Variants in PTPRT observed in about 807,000 individuals in gnomAD.
PTPRT encodes protein tyrosine phosphatase receptor type T, also known as receptor-type tyrosine-protein phosphatase T.
A neutral mutation model predicts 176.8 loss-of-function variants in PTPRT; 56 were observed. The ratio of observed to expected loss-of-function variants is 0.32; its 90% CI spans 0.26 to 0.40. PTPRT has a LOEUF of 0.40. PTPRT is among the 10% of genes least tolerant of loss of function. The pLI is 1.00. For synonymous variants in PTPRT, 783 were observed against 739.0 expected, an observed-to-expected ratio of 1.06 and a Z score of -0.96; for missense variants, 1,540 against 1,908.2, an observed-to-expected ratio of 0.81 and a Z score of 3.60.
intron 2 of PTPRT, among the ~76,000 whole-genome samples, chr20:42,843,301 T>C (rs1224878667): frequency 6.6e-6 from 1 of 152,220 alleles, no homozygotes; most frequent in Admixed American, 6.5e-5. Context: ...CCGGCCTTCG[T>C]ATGCTGATGG....
chr20:42,157,236 T>C (rs1162908327), intron 17 of PTPRT, among the ~76,000 whole-genome samples: 3 of 152,298 alleles, frequency 2.0e-5, no homozygotes, highest in Non-Finnish European at 2.9e-5. Flanking sequence ...CTTTTTACTA[T>C]TGGAACCTCC....
At chr20:43,144,717 G>A (rs1420824956) in intron 1 of PTPRT, among the ~76,000 whole-genome samples, 2 of 151,874 alleles carry the variant, frequency 1.3e-5, no homozygotes, top group Non-Finnish European at 2.9e-5. Context: ...TTTTGGGGGT[G>A]GTGAAAACGT....
At chr20:43,026,092 A>G (rs1985897805) in intron 1 of PTPRT, among the ~76,000 whole-genome samples, 1 of 152,006 alleles carries the variant, frequency 6.6e-6, no homozygotes, top group Non-Finnish European at 1.5e-5. Context: ...CCTCAGGATG[A>G]CACTATATTT....
chr20:42,689,002 C>CTCACA (rs1225432321), intron 6 of PTPRT, among the ~76,000 whole-genome samples: 1 of 152,164 alleles, frequency 6.6e-6, no homozygotes, highest in Non-Finnish European at 1.5e-5. Context: ...GTCCTGTGGA[C>CTCACA]TCACACAGTT....
At chr20:42,352,739 G>A (rs1240834946) in intron 9 of PTPRT, among the ~76,000 whole-genome samples, 3 of 152,200 alleles carry the variant, frequency 2.0e-5, no homozygotes, top group African/African-American at 7.2e-5. Context: ...GTTTCTAACA[G>A]AGAAGATAAT....
At chr20:42,574,319 G>A (rs568908320) in intron 7 of PTPRT, among the ~76,000 whole-genome samples, 27 of 152,292 alleles carry the variant, frequency 1.8e-4, no homozygotes, top group African/African-American at 2.4e-4. Flanking sequence ...TATTGGAGAC[G>A]TAACTGTACA....
At chr20:43,183,386 C>T (rs1425420030) in intron 1 of PTPRT, among the ~76,000 whole-genome samples, 1 of 152,274 alleles carries the variant, frequency 6.6e-6, no homozygotes, top group East Asian at 1.9e-4. Flanking sequence ...GCATCAGTAG[C>T]CCCATTTTAC....
At chr20:42,325,154 G>C (rs1359056123) in intron 11 of PTPRT, among the ~76,000 whole-genome samples, 1 of 152,096 alleles carries the variant, frequency 6.6e-6, no homozygotes, top group African/African-American at 2.4e-5. Context: ...ACTCTGCCAG[G>C]GAAGGATTCT....
At chr20:43,113,704 C>T (rs2012951312) in intron 1 of PTPRT, among the ~76,000 whole-genome samples, 2 of 152,138 alleles carry the variant, frequency 1.3e-5, no homozygotes, top group South Asian at 4.1e-4. Flanking sequence ...ACTTAAAACT[C>T]CCAGTGGAAA....
At chr20:43,168,534 A>G (rs1186311794) in intron 1 of PTPRT, among the ~76,000 whole-genome samples, 1 of 152,226 alleles carries the variant, frequency 6.6e-6, no homozygotes. Flanking sequence ...TCCCATGCTG[A>G]TATGAATCTC....
At chr20:42,106,067 T>C (rs1194135550) in intron 24 of PTPRT, among the ~76,000 whole-genome samples, 1 of 152,214 alleles carries the variant, frequency 6.6e-6, no homozygotes, top group Non-Finnish European at 1.5e-5. Flanking sequence ...CAGTCTGGTA[T>C]GTGAGGTCTT....
At chr20:42,789,686 T>C (rs1393855686) in intron 3 of PTPRT, among the ~76,000 whole-genome samples, 3 of 152,108 alleles carry the variant, frequency 2.0e-5, no homozygotes, top group Non-Finnish European at 4.4e-5. Flanking sequence ...AAATGCATCA[T>C]GAAGAAAAAT....
At chr20:42,706,179 T>TC (rs2076054474) in intron 6 of PTPRT, among the ~76,000 whole-genome samples, 1 of 123,452 alleles carries the variant, frequency 8.1e-6, no homozygotes, top group East Asian at 2.4e-4. Context: ...CTCTCTCTGT[T>TC]TGTGTGTGTG....
At chr20:42,835,360 G>A (rs973902301) in intron 2 of PTPRT, among the ~76,000 whole-genome samples, 1 of 152,118 alleles carries the variant, frequency 6.6e-6, no homozygotes, top group Non-Finnish European at 1.5e-5. Flanking sequence ...AATATGAGGG[G>A]ACTTCAAAAG....
intron 14 of PTPRT, among the ~76,000 whole-genome samples, chr20:42,239,148 A>G (rs1439451556): frequency 6.6e-6 from 1 of 152,168 alleles, no homozygotes; most frequent in Non-Finnish European, 1.5e-5. Flanking sequence ...TATTCTGGTC[A>G]CCAGGAACAA....
At chr20:42,852,123 G>C (rs2078483316) in intron 2 of PTPRT, among the ~76,000 whole-genome samples, 1 of 151,978 alleles carries the variant, frequency 6.6e-6, no homozygotes, top group Non-Finnish European at 1.5e-5. Flanking sequence ...CTTCTATTAA[G>C]GGACAAAATG....
chr20:42,110,872 C>A (rs56165650), intron 22 of PTPRT, among the ~76,000 whole-genome samples: 1,856 of 152,268 alleles, frequency 0.012, 34 homozygotes, highest in African/African-American at 0.042. Flanking sequence ...AGGACCAAGT[C>A]AGTCCAAATT....
chr20:42,579,629 A>T (rs549916241), intron 7 of PTPRT, among the ~76,000 whole-genome samples: 1,653 of 152,094 alleles, frequency 0.011, 23 homozygotes, highest in African/African-American at 0.036. Context: ...TATCTCATTG[A>T]GGTTTTGATT....
At chr20:42,598,979 G>T (rs375612205) in intron 7 of PTPRT, among the ~76,000 whole-genome samples, 1 of 152,168 alleles carries the variant, frequency 6.6e-6, no homozygotes, top group Non-Finnish European at 1.5e-5. Flanking sequence ...AAATCAAAGT[G>T]TTCCAACAAT....
Sources: allele counts gnomAD v4.1 joint callset (sites outside exome capture counted in the v4.1 genomes callset), GRCh38; gene constraint gnomAD v4.1.1; transcripts MANE v1.5; gene names NCBI Gene and HGNC (gene_info 2026-07-23, HGNC 2026-07-21).